The following TMEM132B variants were observed in gnomAD, a reference collection of about 807,000 sequenced individuals.
TMEM132B encodes transmembrane protein 132B.
Under a neutral mutation model 90.8 loss-of-function variants are expected in TMEM132B, and 18 were observed. That is an observed-to-expected ratio of 0.20 (90% CI 0.14 to 0.29). The LOEUF is 0.29. Ranked by LOEUF, TMEM132B falls within the 10% of genes least tolerant of loss-of-function variation. The pLI is 1.00. For missense variants in TMEM132B, 1,096 were observed against 1,326.8 expected (o/e 0.83, Z 2.70); for synonymous variants, 504 against 523.3 (o/e 0.96, Z 0.50).
intron 1 of TMEM132B, among the ~76,000 whole-genome samples, chr12:125,257,181 C>T (rs2136107196): frequency 6.6e-6 from 1 of 152,220 alleles, no homozygotes; most frequent in South Asian, 2.1e-4. Flanking sequence ...GGATGTTCGC[C>T]TATAGTCCCA....
intron 4 of TMEM132B, among the ~76,000 whole-genome samples, chr12:125,569,539 C>G (rs1884740846): frequency 6.6e-6 from 1 of 152,166 alleles, no homozygotes; most frequent in Non-Finnish European, 1.5e-5. Flanking sequence ...ATCAGTGTCC[C>G]ACTTACCTTC....
chr12:125,258,688 A>G (rs912613695), intron 1 of TMEM132B, among the ~76,000 whole-genome samples: 1 of 152,204 alleles, frequency 6.6e-6, no homozygotes, highest in South Asian at 2.1e-4. Flanking sequence ...CTTGGTGGGA[A>G]GAATGACAAG....
At chr12:125,292,746 G>T (rs1224282386) in intron 1 of TMEM132B, among the ~76,000 whole-genome samples, 1 of 152,204 alleles carries the variant, frequency 6.6e-6, no homozygotes. Context: ...TCGTATAGCT[G>T]GTGATGAAAA....
At chr12:125,630,030 A>AT (rs1428620524) in intron 5 of TMEM132B, among the ~76,000 whole-genome samples, 2 of 152,110 alleles carry the variant, frequency 1.3e-5, no homozygotes, top group Admixed American at 1.3e-4. Context: ...GTATTGTTGA[A>AT]TTCAGTTTGC....
chr12:125,458,731 C>T lies in TMEM132B; in HGVS notation c.1106+43054C>T, dbSNP rs934629575. ...TGTTCCCGCCTGCACTGCTGTCACA[C>T]TGGGTGGTGTTGTCAGGGTGACTCA... On this transcript the variant is annotated intron_variant, in intron 3 of 8. Coordinates refer to ENST00000682704, the MANE Select transcript of TMEM132B (RefSeq NM_001366854.1). This position sits in a 1 kb window ranked among gnomAD's most constrained non-coding sequence, Gnocchi z 4.9. Among the ~76,000 whole-genome samples, 1 of 152,212 alleles carries T rather than the reference C, an allele frequency of 6.6e-6. No homozygotes were observed. Among genetic ancestry groups the T allele is most frequent in the African/African-American group, 2.4e-5 (1 of 41,456 alleles).
chr12:125,396,166 G>A (rs1879163026), intron 2 of TMEM132B, among the ~76,000 whole-genome samples: 1 of 152,214 alleles, frequency 6.6e-6, no homozygotes, highest in African/African-American at 2.4e-5. Flanking sequence ...CACTGTGTAG[G>A]AGTAGGGGCT....
Position 125,424,861 on chromosome 12 carries a change from A to G in TMEM132B, c.1106+9184A>G, listed in dbSNP as rs77511708. Among the ~76,000 whole-genome samples, 52 of 152,192 alleles carry G rather than the reference A, an allele frequency of 3.4e-4. 1 individual carries two copies. The East Asian group carries it at 8.7e-3, about 25-fold the overall frequency. The stretch of plus-strand genomic sequence containing the variant: ...AGGAGAGGAGGAGGGGAGGAGGGTG[A>G]ATGAGGGGTAGGCGGATGACAAATT... On this transcript the variant is annotated intron_variant, in intron 3 of 8. Transcript: ENST00000682704.
chr12:125,416,226 G>T (rs946146633), intron 3 of TMEM132B, among the ~76,000 whole-genome samples: 1 of 151,962 alleles, frequency 6.6e-6, no homozygotes, highest in African/African-American at 2.4e-5. Context: ...CAGGACATCT[G>T]GCAGGTAGAA....
At chr12:125,496,484 G>A (rs1218651950) in intron 3 of TMEM132B, among the ~76,000 whole-genome samples, 3 of 152,082 alleles carry the variant, frequency 2.0e-5, no homozygotes, top group Non-Finnish European at 4.4e-5. Context: ...TCTCATGATA[G>A]GCTTTAATGC....
chr12:125,346,649 T>C (rs542677434), intron 1 of TMEM132B, among the ~76,000 whole-genome samples: 5 of 152,330 alleles, frequency 3.3e-5, no homozygotes, highest in African/African-American at 1.2e-4. Context: ...GATTGCCCCT[T>C]GGTGGCGGCA....
At chr12:125,293,325 G>A (rs971914663) in intron 1 of TMEM132B, among the ~76,000 whole-genome samples, 1 of 152,156 alleles carries the variant, frequency 6.6e-6, no homozygotes, top group African/African-American at 2.4e-5. Context: ...TTAGATTCAG[G>A]GGGTACTTGT....
At chr12:125,496,865 G>C (rs532013828) in intron 3 of TMEM132B, among the ~76,000 whole-genome samples, 1 of 152,162 alleles carries the variant, frequency 6.6e-6, no homozygotes, top group Admixed American at 6.5e-5. Flanking sequence ...GGCTGTGAAC[G>C]GTATCATTGA....
At chr12:125,255,219 G>A (rs928226731) in intron 1 of TMEM132B, among the ~76,000 whole-genome samples, 12 of 152,040 alleles carry the variant, frequency 7.9e-5, no homozygotes, top group African/African-American at 2.7e-4. Context: ...GGCAGCTTGC[G>A]GAGCAAATTC....
In TMEM132B at chr12:125,430,950, A is replaced by G. The variant is rs370300832; in HGVS notation, c.1106+15273A>G. Among the ~76,000 whole-genome samples the G allele has an allele frequency of 2.2e-4, 33 of 152,076 alleles. No individual in the cohort carries two copies. In the East Asian group the frequency reaches 5.4e-3, roughly 25 times the overall value. On this transcript the variant is annotated intron_variant, in intron 3 of 8. Coordinates refer to ENST00000682704, the MANE Select transcript of TMEM132B (RefSeq NM_001366854.1). The stretch of plus-strand genomic sequence containing the variant: ...GAGTGTGGGGAGGAGGCAGGGAGAG[A>G]TGTGGGAGGAGAGCATCTCCCCAGA...
At chr12:125,454,049 G>A (rs1012370740) in intron 3 of TMEM132B, among the ~76,000 whole-genome samples, 1 of 152,134 alleles carries the variant, frequency 6.6e-6, no homozygotes, top group Non-Finnish European at 1.5e-5. Context: ...CTGGAGAGCT[G>A]AATGGAGCTT....
chr12:125,477,556 G>A (rs978139475), intron 3 of TMEM132B, among the ~76,000 whole-genome samples: 3 of 151,942 alleles, frequency 2.0e-5, no homozygotes, highest in African/African-American at 7.3e-5. Context: ...CTGTGGCACA[G>A]TTGTTACATT....
At chr12:125,326,602 T>A (rs1440646460) in intron 1 of TMEM132B, 3 of 1,601,816 alleles carry the variant, frequency 1.9e-6, no homozygotes, top group Non-Finnish European at 2.6e-6. Flanking sequence ...TGCCCTCGCC[T>A]CAGCTCCAGA....
At chr12:125,289,599 A>G (rs1384700147) in intron 1 of TMEM132B, among the ~76,000 whole-genome samples, 2 of 152,250 alleles carry the variant, frequency 1.3e-5, no homozygotes, top group African/African-American at 2.4e-5. Flanking sequence ...AGTGGCATGG[A>G]TCACACACCT....
rs1874312447 is a variant in TMEM132B, at chr12:125,251,294, A to G, written c.67+64428A>G. ...AATTTGGGCTGAACCAGCCAGTTTT[A>G]AACATTCAATATTAAATACCATGAA... is the stretch of plus-strand genomic sequence containing the variant. On this transcript the variant is annotated intron_variant, in intron 1 of 8. Coordinates refer to ENST00000682704, the MANE Select transcript of TMEM132B (RefSeq NM_001366854.1). This position sits in a 1 kb window ranked among gnomAD's most constrained non-coding sequence, Gnocchi z 4.4. Among the ~76,000 whole-genome samples, 1 of 152,238 alleles carries G rather than the reference A, an allele frequency of 6.6e-6. No homozygotes were observed. Among genetic ancestry groups the G allele is most frequent in the South Asian group, 2.1e-4 (1 of 4,826 alleles).
Sources: gnomAD v4.1 joint callset for allele counts (sites outside exome capture counted in the v4.1 genomes callset) on GRCh38, gnomAD v4.1.1 for gene constraint, Gnocchi (gnomAD v3.1) non-coding constraint, MANE v1.5 for transcripts, NCBI Gene and HGNC (gene_info 2026-07-23, HGNC 2026-07-21) for gene names.